Variants in GALNTL6 observed in about 807,000 individuals in gnomAD.
GALNTL6 encodes polypeptide N-acetylgalactosaminyltransferase-like 6.
GALNTL6 carries 46 observed loss-of-function variants against 73.7 expected under a neutral mutation model. The observed-to-expected ratio is 0.62, with a 90% CI of 0.49 to 0.80. The LOEUF (loss-of-function observed/expected upper bound fraction) is 0.80. Ranked by LOEUF, GALNTL6 falls within the 30% of genes least tolerant of loss-of-function variation. The probability of loss-of-function intolerance (pLI) is 0.00; values close to 1 mark genes in which losing one functional copy is unlikely to be tolerated. For synonymous variants in GALNTL6, 259 were observed against 263.7 expected, an observed-to-expected ratio of 0.98 and a Z score of 0.17; for missense variants, 604 against 755.0, an observed-to-expected ratio of 0.80 and a Z score of 2.34.
intron 10 of GALNTL6, among the ~76,000 whole-genome samples, chr4:172,960,335 T>C (rs1749979613): frequency 6.6e-6 from 1 of 152,154 alleles, no homozygotes; most frequent in Non-Finnish European, 1.5e-5. Flanking sequence ...GCTGGGCAGG[T>C]TGGGGAGGGC....
chr4:171,870,105 T>C (rs1210810673), intron 2 of GALNTL6, among the ~76,000 whole-genome samples: 1 of 152,230 alleles, frequency 6.6e-6, no homozygotes, highest in Non-Finnish European at 1.5e-5. Context: ...CAAGAGATCA[T>C]GCAGGACGTA....
At chr4:172,238,759 T>C (rs1361676748) in intron 3 of GALNTL6, among the ~76,000 whole-genome samples, 1 of 152,190 alleles carries the variant, frequency 6.6e-6, no homozygotes, top group Admixed American at 6.5e-5. Flanking sequence ...GCTCTTGTTA[T>C]TTTGAGGTAT....
intron 5 of GALNTL6, among the ~76,000 whole-genome samples, chr4:172,480,826 G>C (rs1733427003): frequency 6.6e-6 from 1 of 152,092 alleles, no homozygotes; most frequent in African/African-American, 2.4e-5. Context: ...AGTTGGCCTT[G>C]GCATAATACC....
intron 5 of GALNTL6, chr4:172,668,933 G>A (rs569708237): frequency 6.6e-6 from 1 of 152,040 alleles, no homozygotes; most frequent in Non-Finnish European, 1.5e-5. Flanking sequence ...CCAAAAGAGG[G>A]CTGAAGTACT....
chr4:172,802,794 A>AAAAC lies in GALNTL6; in HGVS notation c.554-6548_554-6545dup, dbSNP rs71594010. ...CAACAGAGTGAGACTCCGTCTCAAA[A>AAAAC]AAACAAACAAACAAACAAACAACAA... On this transcript the variant is annotated intron_variant, in intron 5 of 12. Coordinates refer to ENST00000506823, the MANE Select transcript of GALNTL6 (RefSeq NM_001034845.3). Among the ~76,000 whole-genome samples, 5 of 150,982 alleles carry AAAAC rather than the reference A, an allele frequency of 3.3e-5. No individual in the cohort carries two copies. The South Asian group carries it at 6.3e-4, about 19-fold the overall frequency.
At chr4:172,796,091 AT>A (rs1012522331) in intron 5 of GALNTL6, among the ~76,000 whole-genome samples, 230 of 150,998 alleles carry the variant, frequency 1.5e-3, no homozygotes, top group African/African-American at 5.0e-3. Flanking sequence ...AAACTCAGTG[AT>A]TTTTTTTTCC....
rs535101623 is a variant in GALNTL6, at chr4:172,513,078, C to T, written c.553+164389C>T. Among the ~76,000 whole-genome samples, 284 of 152,166 alleles carry T rather than the reference C, an allele frequency of 1.9e-3. 1 individual carries two copies. Among genetic ancestry groups the T allele is most frequent in the African/African-American group, 6.5e-3 (268 of 41,532 alleles). On this transcript the variant is annotated intron_variant, in intron 5 of 12. Coordinates refer to ENST00000506823, the MANE Select transcript of GALNTL6 (RefSeq NM_001034845.3). ...AAACTTTTAGATGCATCTTCTTTCT[C>T]GGGCATAGCAATTGTTCTTAGGTTT...
At chr4:172,622,276 A>C (rs1738992975) in intron 5 of GALNTL6, among the ~76,000 whole-genome samples, 1 of 152,320 alleles carries the variant, frequency 6.6e-6, no homozygotes, top group Admixed American at 6.5e-5. Context: ...GTCACAACTA[A>C]AGTTTCCAAC....
chr4:171,947,906 T>C (rs1362428496), intron 2 of GALNTL6, among the ~76,000 whole-genome samples: 1 of 152,194 alleles, frequency 6.6e-6, no homozygotes, highest in Admixed American at 6.5e-5. Flanking sequence ...TAATTCTCAT[T>C]TTATTAGTGA....
chr4:172,597,488 A>AT (rs1737900148), intron 5 of GALNTL6, among the ~76,000 whole-genome samples: 1 of 152,106 alleles, frequency 6.6e-6, no homozygotes, highest in South Asian at 2.1e-4. Flanking sequence ...AATAATAGTT[A>AT]TTTTTGCTTT....
chr4:172,111,248 T>C (rs1226742298), intron 2 of GALNTL6, among the ~76,000 whole-genome samples: 1 of 152,066 alleles, frequency 6.6e-6, no homozygotes, highest in African/African-American at 2.4e-5. Context: ...TTGGCAATAA[T>C]ACAGAACAGA....
chr4:172,831,749 G>C lies in GALNTL6; in HGVS notation c.923+18026G>C, dbSNP rs150322211. 2.8e-3 allele frequency among the ~76,000 whole-genome samples: 427 copies of C among 152,318 alleles called. 1 individual carries two copies. Among genetic ancestry groups the C allele is most frequent in the African/African-American group, 9.9e-3 (413 of 41,572 alleles). Reference sequence around the variant, plus strand: ...ATGGGATTTGGCGTCAGAGCCTCTAGCAAGTGATGAAGTCATGAAGGTAGA... The same window carrying C: ...ATGGGATTTGGCGTCAGAGCCTCTACCAAGTGATGAAGTCATGAAGGTAGA... On this transcript the variant is annotated intron_variant, in intron 7 of 12. Transcript: ENST00000506823.
chr4:172,615,790 A>T (rs2111059312), intron 5 of GALNTL6, among the ~76,000 whole-genome samples: 1 of 152,256 alleles, frequency 6.6e-6, no homozygotes, highest in African/African-American at 2.4e-5. Context: ...ATTCAAATTC[A>T]TTTTTGCAGA....
chr4:171,818,953 A>G (rs1408977778), intron 2 of GALNTL6, among the ~76,000 whole-genome samples: 1 of 152,140 alleles, frequency 6.6e-6, no homozygotes, highest in African/African-American at 2.4e-5. Context: ...TGAAAATAAG[A>G]AAATATCAGA....
intron 5 of GALNTL6, among the ~76,000 whole-genome samples, chr4:172,588,036 A>G (rs940871603): frequency 3.3e-5 from 5 of 152,146 alleles, no homozygotes; most frequent in African/African-American, 7.2e-5. Context: ...TAACAGACCA[A>G]CTAAGGAACT....
intron 2 of GALNTL6, among the ~76,000 whole-genome samples, chr4:172,094,453 AAACTT>A (rs1404964612): frequency 1.3e-5 from 2 of 152,172 alleles, no homozygotes; most frequent in East Asian, 1.9e-4. Flanking sequence ...ATTGGGGAAA[AAACTT>A]ATCTTATTAA....
At chr4:172,922,495 A>G (rs1490597323) in intron 8 of GALNTL6, among the ~76,000 whole-genome samples, 1 of 152,118 alleles carries the variant, frequency 6.6e-6, no homozygotes, top group African/African-American at 2.4e-5. Flanking sequence ...TGAAATGTGC[A>G]TAGTTATTGG....
At chr4:172,982,472 G>T (rs1363457278) in intron 10 of GALNTL6, among the ~76,000 whole-genome samples, 12 of 152,166 alleles carry the variant, frequency 7.9e-5, no homozygotes, top group Admixed American at 2.0e-4. Context: ...ATCAAAACAG[G>T]CCCTGACATG....
intron 10 of GALNTL6, among the ~76,000 whole-genome samples, chr4:172,956,840 T>A (rs1014617279): frequency 3.3e-5 from 5 of 152,172 alleles, no homozygotes; most frequent in Non-Finnish European, 7.4e-5. Flanking sequence ...ATTCTACCTT[T>A]CCTGAAGATT....
Sources: gnomAD v4.1 joint callset for allele counts (sites outside exome capture counted in the v4.1 genomes callset) on GRCh38, gnomAD v4.1.1 for gene constraint, MANE v1.5 for transcripts, NCBI Gene and HGNC (gene_info 2026-07-23, HGNC 2026-07-21) for gene names.